MYOM2: variants seen among roughly 807,000 people sequenced by gnomAD.
MYOM2 encodes myomesin 2.
A neutral mutation model predicts 187.6 loss-of-function variants in MYOM2; 254 were observed. That is an observed-to-expected ratio of 1.35 (90% CI 1.22 to 1.50). The LOEUF is 1.50. Among genes scored for constraint, MYOM2 ranks in the 40% most tolerant of loss-of-function variants. MYOM2 has a pLI of 0.00. For missense variants in MYOM2, 2,796 were observed against 1,924.0 expected (o/e 1.45, Z -8.48); for synonymous variants, 981 against 753.8 (o/e 1.30, Z -4.94).
chr8:2,138,387 C>T (rs997322344), intron 32 of MYOM2, among the ~76,000 whole-genome samples: 5 of 152,166 alleles, frequency 3.3e-5, no homozygotes, highest in Admixed American at 6.5e-5. Context: ...GGCTCTGCTG[C>T]GGGGTCAGCC....
chr8:2,118,777 G>A (rs1797329861), intron 28 of MYOM2: 1 of 152,706 alleles, frequency 6.5e-6, no homozygotes, highest in Non-Finnish European at 1.5e-5. Context: ...GAGCACCTGA[G>A]GGCTGTTAGT....
In MYOM2 at chr8:2,085,390, G is replaced by A. The variant is rs755520055; in HGVS notation, c.1644G>A (p.Lys548=). 7.4e-6 allele frequency: 12 copies of A among 1,613,792 alleles called. No homozygotes were observed. Among genetic ancestry groups the A allele is most frequent in the Non-Finnish European group, 1.7e-6 (2 of 1,179,938 alleles). The change falls in exon 14 of 37, where the codon AAG becomes AAA. Residue 548 remains lysine (K), a splice_region_variant and synonymous_variant. Transcript: ENST00000262113. The part of the protein sequence containing the change: ...GKDPLMYFIE[K]SVVGSGSWQR... ...ACCCGCTCATGTACTTCATTGAGAA[G>A]GTAAACTCCGGGCCCGTGTCCTGGA...
chr8:2,139,524 C>G (rs188495615), intron 32 of MYOM2, among the ~76,000 whole-genome samples: 1 of 152,170 alleles, frequency 6.6e-6, no homozygotes, highest in African/African-American at 2.4e-5. Context: ...GTGAGGAGGG[C>G]TGGAGAATTC....
intron 18 of MYOM2, 28 bp downstream of exon 18, chr8:2,096,462 T>A: frequency 6.2e-7 from 1 of 1,608,556 alleles, no homozygotes. Flanking sequence ...CCTTCGTCTA[T>A]TTTTGCCTGG....
Position 2,079,562 on chromosome 8 carries a change from G to C in MYOM2, c.1465G>C (p.Val489Leu), listed in dbSNP as rs144705801. The part of the protein sequence containing the change: ...DPLDLRRLQA[V>L]HLEGEKEIAI... The stretch of plus-strand genomic sequence containing the variant: ...AGTGTCAACCTTTCTCTCCGCAGCC[G>C]TTCATTTGGAGGGAGAGAAGGAGAT... Residue 489 changes from valine (V) to leucine (L), a missense_variant and splice_region_variant, in exon 13 of 37, where the codon GTT (valine) becomes CTT (leucine). By Grantham distance (32) the Val-to-Leu change is conservative. Transcript: ENST00000262113. The C allele has an allele frequency of 1.2e-6, 2 of 1,614,080 alleles. No homozygotes were observed. Among genetic ancestry groups the C allele is most frequent in the Non-Finnish European group, 1.7e-6 (2 of 1,179,984 alleles).
chr8:2,096,768 C>G (rs528980235), intron 18 of MYOM2, among the ~76,000 whole-genome samples: 1 of 152,226 alleles, frequency 6.6e-6, no homozygotes, highest in Non-Finnish European at 1.5e-5. Context: ...CGGAGTCTCA[C>G]ATGTGTGCCT....
At position 2,120,476 on chromosome 8, in the gene MYOM2, C is replaced by T. The variant is rs144965755; in HGVS notation, c.3453+2524C>T. On this transcript the variant is annotated intron_variant, in intron 28 of 36. Transcript: ENST00000262113. ...GTGGAGCAGAGGTCTGCAGTGCACT[C>T]GGGAGTGGACCCGGGCAAGGGGATT... 2.0e-3 allele frequency among the ~76,000 whole-genome samples: 292 copies of T among 149,698 alleles called. 1 individual carries two copies. The highest frequency in any genetic ancestry group is 6.8e-3 in the African/African-American group (278 of 40,630).
chr8:2,093,956 C>A lies in MYOM2; in HGVS notation c.2004-14C>A, dbSNP rs774108667. 1.9e-6 allele frequency: 3 copies of A among 1,613,320 alleles called. No homozygotes were observed. The Admixed American group carries it at 5.0e-5, about 27-fold the overall frequency. ...GAGCCTGGCAGTTCTGACCCTGATC[C>A]CTGTGTTTCTCAGGTTCGTGGTGCA... is the stretch of plus-strand genomic sequence containing the variant. On this transcript the variant is annotated splice_polypyrimidine_tract_variant and intron_variant, in intron 16 of 36. Coordinates refer to ENST00000262113, the MANE Select transcript of MYOM2 (RefSeq NM_003970.4).
At chr8:2,059,527 G>C (rs539111775) in intron 6 of MYOM2, among the ~76,000 whole-genome samples, 1 of 152,164 alleles carries the variant, frequency 6.6e-6, no homozygotes, top group Admixed American at 6.5e-5. Flanking sequence ...TGCAGTGCAA[G>C]AAGCTTTCAT....
intron 21 of MYOM2, among the ~76,000 whole-genome samples, chr8:2,102,987 A>G (rs1030781075): frequency 6.6e-6 from 1 of 150,866 alleles, no homozygotes; most frequent in Admixed American, 6.6e-5. Context: ...ATGTGGATAA[A>G]TGTATGGGAG....
chr8:2,132,242 T>G (rs1477013826), intron 32 of MYOM2, among the ~76,000 whole-genome samples: 1 of 152,018 alleles, frequency 6.6e-6, no homozygotes, highest in Non-Finnish European at 1.5e-5. Flanking sequence ...CTGGAATATT[T>G]TGTGTTAATG....
rs1796648799 is a variant in MYOM2 at position 2,100,129 on chromosome 8, T to TTCCTTCCTTCCTTCC, written c.2441-746_2441-745insCCTTCCTTCCTTCCT. Among the ~76,000 whole-genome samples the TTCCTTCCTTCCTTCC allele has an allele frequency of 6.8e-4, 31 of 45,578 alleles. 1 individual carries two copies. The highest frequency in any genetic ancestry group is 2.5e-3 in the African/African-American group (31 of 12,304). The allele number at this position is 45,578 out of a possible 152,430, so 29.9% of individuals were successfully genotyped here. ...CCTTCTTTCTTTCCTTCCTTCCTTC[T>TTCCTTCCTTCCTTCC]TTCCTTCCTTCCTTCCTTCCTTCCT... On this transcript the variant is annotated intron_variant, in intron 19 of 36. Coordinates refer to ENST00000262113, the MANE Select transcript of MYOM2 (RefSeq NM_003970.4).
chr8:2,067,467 C>T (rs1819055527), intron 6 of MYOM2, among the ~76,000 whole-genome samples: 1 of 152,170 alleles, frequency 6.6e-6, no homozygotes, highest in African/African-American at 2.4e-5. Flanking sequence ...GCTCACCATC[C>T]TAGTGGGATA....
At chr8:2,125,496 T>A (rs996520621) in intron 31 of MYOM2, among the ~76,000 whole-genome samples, 13 of 152,186 alleles carry the variant, frequency 8.5e-5, no homozygotes, top group African/African-American at 3.1e-4. Context: ...TGTAACTATA[T>A]ATTTTGAAAT....
chr8:2,096,523 G>C (rs7834633), intron 18 of MYOM2, 89 bp downstream of exon 18: 5 of 1,250,310 alleles, frequency 4.0e-6, no homozygotes, highest in Admixed American at 5.0e-5. Context: ...ACATTAGATA[G>C]TTTGATACAG....
In MYOM2 at chr8:2,140,805, GAGA is replaced by G. The variant is rs1250863349; in HGVS notation, c.3886_3888del (p.Lys1296del). On this transcript the variant is annotated inframe_deletion, in exon 33 of 37. Coordinates refer to ENST00000262113, the MANE Select transcript of MYOM2 (RefSeq NM_003970.4). ...TTGGCTGCAGATATGTGAGCCGACTGAGAAGGATAAAGGAAAATACACTTTTGA... is the reference window on the plus strand; with the variant it reads ...TTGGCTGCAGATATGTGAGCCGACTGAGGATAAAGGAAAATACACTTTTGA... 1.9e-6 allele frequency: 3 copies of G among 1,614,010 alleles called. No individual in the cohort carries two copies. In the East Asian group the frequency reaches 6.7e-5, roughly 36 times the overall value.
At position 2,057,367 on chromosome 8, in the gene MYOM2, G is replaced by C. The variant is rs762755462; in HGVS notation, c.283G>C (p.Ala95Pro). ...CTGCAGGTACCAGTCCCTGGTGGCC[G>C]CCTATGGTGAGGCCAAGCGACAGCG... ...NRSRYQSLVA[A>P]YGEAKRQRFL... is the part of the protein sequence containing the mutation. Residue 95 changes from alanine (A) to proline (P), a missense_variant, in exon 4 of 37, where the codon GCC becomes CCC. Physicochemically the swap from Ala to Pro is conservative, Grantham distance 27. Transcript: ENST00000262113. 2 of 1,609,154 alleles carry C rather than the reference G, an allele frequency of 1.2e-6. No individual in the cohort carries two copies. The highest frequency in any genetic ancestry group is 2.7e-5 in the African/African-American group (2 of 74,750).
rs373612901 is a variant in MYOM2 at position 2,085,497 on chromosome 8, T to A, written c.1644+107T>A. On this transcript the variant is annotated intron_variant, in intron 14 of 36. Transcript: ENST00000262113. ...TCGTGATCTCCGCGTGGCCCCTCAC[T>A]GTTGTGATCTCCGCGTGGCCCCCCA... 7.0e-4 allele frequency: 874 copies of A among 1,242,520 alleles called. 46 individuals are homozygous for A. Among genetic ancestry groups the A allele is most frequent in the South Asian group, 1.8e-3 (119 of 65,726 alleles). 77.0% of individuals were successfully genotyped at this position (1,242,520 alleles called of 1,614,324 possible).
At position 2,117,891 on chromosome 8, in the gene MYOM2, A is replaced by G; in HGVS notation, c.3392A>G (p.His1131Arg). 1 of 1,611,644 alleles carries G rather than the reference A, an allele frequency of 6.2e-7. No individual in the cohort carries two copies. Among genetic ancestry groups the G allele is most frequent in the Non-Finnish European group, 8.5e-7 (1 of 1,179,164 alleles). ...RKEFLRKQGP[H>R]FAEYLHWDVT... ...TCCCTTTTTTCCTCCCTAGGCCCTC[A>G]TTTTGCTGAGTACTTGCACTGGGAT... The change falls in exon 28 of 37, where the codon CAT becomes CGT. Residue 1131 changes from histidine to arginine, a missense_variant. Coordinates refer to ENST00000262113, the MANE Select transcript of MYOM2 (RefSeq NM_003970.4).
Sources: gnomAD v4.1 joint callset for allele counts (sites outside exome capture counted in the v4.1 genomes callset) on GRCh38, gnomAD v4.1.1 for gene constraint, MANE v1.5 for transcripts, NCBI Gene and HGNC (gene_info 2026-07-23, HGNC 2026-07-21) for gene names.